The following CASP10 variants were observed in gnomAD, a reference collection of about 807,000 sequenced individuals.
The protein encoded by CASP10 is caspase-10.
In CASP10, 41 loss-of-function variants were observed where a neutral mutation model predicts 48.5. That is an observed-to-expected ratio of 0.85 (90% CI 0.66 to 1.10). CASP10 has a LOEUF of 1.10. CASP10 is among the 50% of genes least tolerant of loss of function. The pLI is 0.00. For synonymous variants in CASP10, 232 were observed against 238.4 expected (o/e 0.97, Z 0.25); for missense variants, 614 against 614.5 (o/e 1.00, Z 0.01).
At position 201,219,509 on chromosome 2, in the gene CASP10, C is replaced by G; in HGVS notation, c.*1768C>G. 1.0e-6 allele frequency: 1 copy of G among 985,364 alleles called. No individual in the cohort carries two copies. Among genetic ancestry groups the G allele is most frequent in the African/African-American group, 1.7e-5 (1 of 57,332 alleles). 61.0% of individuals were successfully genotyped at this position (985,364 alleles called of 1,614,324 possible). A position where few individuals can be genotyped will look rare whatever the true frequency, so the allele number is the denominator to read the frequency against. The stretch of plus-strand genomic sequence containing the variant: ...GTAGACTGCAGTGGACAGTCCCCAC[C>G]TTGTTACTGCTACTACACTTTGCTC... On this transcript the variant is annotated 3_prime_UTR_variant, in exon 10 of 10. Transcript: ENST00000286186.
In CASP10 at chr2:201,220,688, C is replaced by T; in HGVS notation, c.*2947C>T. On this transcript the variant is annotated 3_prime_UTR_variant, in exon 10 of 10. Transcript: ENST00000286186. ...TTGTTTTCTCTAAAATAAACCTGTC[C>T]TTGGCTGTCAAGCCACCTTTCATGT... The T allele has an allele frequency of 1.0e-6, 1 of 957,658 alleles. No homozygotes were observed. The highest frequency in any genetic ancestry group is 4.8e-5 in the South Asian group (1 of 20,742). The allele number at this position is 957,658 out of a possible 1,614,324, so 59.3% of individuals were successfully genotyped here.
chr2:201,222,305 C>G (rs1361605006), downstream of CASP10, among the ~76,000 whole-genome samples: 2 of 150,350 alleles, frequency 1.3e-5, no homozygotes. Flanking sequence ...CAACCTTCGT[C>G]TCCTGGGTTC....
At chr2:201,200,340 T>C (rs1944969429) in intron 5 of CASP10, 6 of 1,030,366 alleles carry the variant, frequency 5.8e-6, no homozygotes, top group Admixed American at 3.9e-5. Context: ...GCATTTACTA[T>C]GTTGGTTGTA....
chr2:201,184,416 G>A (rs1040254102), intron 1 of CASP10, among the ~76,000 whole-genome samples: 2 of 151,822 alleles, frequency 1.3e-5, no homozygotes, highest in Admixed American at 6.6e-5. Flanking sequence ...CTCCATCCCC[G>A]GGGCTCAAAT....
intron 3 of CASP10, among the ~76,000 whole-genome samples, chr2:201,189,060 T>C (rs1227094339): frequency 1.3e-5 from 2 of 151,302 alleles, no homozygotes; most frequent in African/African-American, 2.4e-5. Context: ...TTAGTAGAGA[T>C]AGGGTTTCAC....
At chr2:201,224,695 A>T (rs1010260434), downstream of CASP10, among the ~76,000 whole-genome samples, 1 of 152,214 alleles carries the variant, frequency 6.6e-6, no homozygotes, top group Non-Finnish European at 1.5e-5. Context: ...ATTCTGTAAA[A>T]TGCCTGGGAA....
At chr2:201,200,211 TC>T (rs944632058) in intron 5 of CASP10, among the ~76,000 whole-genome samples, 2 of 152,208 alleles carry the variant, frequency 1.3e-5, no homozygotes, top group South Asian at 4.1e-4. Context: ...TACTATTTTT[TC>T]CCCACGCAAT....
rs559658034 is a variant in CASP10, at chr2:201,185,923, A to G, written c.146A>G (p.Asn49Ser). The G allele has an allele frequency of 1.2e-5, 20 of 1,614,100 alleles. No individual in the cohort carries two copies. In the Admixed American group the frequency reaches 1.5e-4, roughly 12 times the overall value. ...LKFLCIGLVP[N>S]KKLEKSSSAS... ...TTTCTCTGCATAGGATTGGTCCCCAACAAGAAGCTGGAGAAGTCCAGCTCA... is the reference window on the plus strand; with the variant it reads ...TTTCTCTGCATAGGATTGGTCCCCAGCAAGAAGCTGGAGAAGTCCAGCTCA... The change falls in exon 2 of 10, where the codon AAC becomes AGC. Residue 49 changes from asparagine (N) to serine (S), a missense_variant. Coordinates refer to ENST00000286186, the MANE Select transcript of CASP10 (RefSeq NM_032977.4).
chr2:201,194,667 A>G (rs950944687), intron 4 of CASP10, among the ~76,000 whole-genome samples: 1 of 152,266 alleles, frequency 6.6e-6, no homozygotes, highest in African/African-American at 2.4e-5. Context: ...TAAAGTAAAC[A>G]TAGGGCAAGT....
intron 3 of CASP10, among the ~76,000 whole-genome samples, chr2:201,191,384 T>C (rs1944606587): frequency 6.6e-6 from 1 of 151,946 alleles, no homozygotes; most frequent in Non-Finnish European, 1.5e-5. Context: ...TGATCTCAGC[T>C]TTTTTTTGTT....
exon 10 of CASP10, chr2:201,229,044 A>G (rs747904869): frequency 3.1e-6 from 5 of 1,614,174 alleles, no homozygotes; most frequent in Non-Finnish European, 3.4e-6. Context: ...CTGCGCAGAC[A>G]CCTCGACCCC....
chr2:201,208,988 T>C, intron 8 of CASP10, 82 bp from the exon 9 acceptor site: 7 of 1,495,880 alleles, frequency 4.7e-6, no homozygotes, highest in Non-Finnish European at 6.4e-6. Flanking sequence ...TTGTTTCAGT[T>C]CTTCATTTTG....
Position 201,208,197 on chromosome 2 carries a change from G to A in CASP10, c.922+14G>A. Reference sequence around the variant, plus strand: ...ATAAAGATGCTGGTAAGAAAGTCTGGAACAGTTTATCAAATGCAAATTGGG... The same window carrying A: ...ATAAAGATGCTGGTAAGAAAGTCTGAAACAGTTTATCAAATGCAAATTGGG... On this transcript the variant is annotated intron_variant, in intron 8 of 9. Transcript: ENST00000286186. 1 of 1,600,798 alleles carries A rather than the reference G, an allele frequency of 6.2e-7. No individual in the cohort carries two copies. The highest frequency in any genetic ancestry group is 8.5e-7 in the Non-Finnish European group (1 of 1,175,944).
intron 9 of CASP10, among the ~76,000 whole-genome samples, chr2:201,210,516 T>C (rs1945358769): frequency 6.6e-6 from 1 of 152,228 alleles, no homozygotes; most frequent in African/African-American, 2.4e-5. Flanking sequence ...TGAGCTCATC[T>C]TCCCAGCTCT....
chr2:201,209,623 C>T, intron 9 of CASP10, 61 bp downstream of exon 9: 1 of 1,512,392 alleles, frequency 6.6e-7, no homozygotes, highest in Non-Finnish European at 8.9e-7. Flanking sequence ...TTTTATTTTA[C>T]TCTCATTCAA....
intron 3 of CASP10, among the ~76,000 whole-genome samples, chr2:201,192,209 A>C (rs1213816606): frequency 6.6e-6 from 1 of 152,140 alleles, no homozygotes; most frequent in African/African-American, 2.4e-5. Flanking sequence ...AGCCTGGCCA[A>C]CATGGTGAAA....
At position 201,187,748 on chromosome 2, in the gene CASP10, C is replaced by T. The variant is rs1559293756; in HGVS notation, c.390C>T (p.Asn130=). 1.9e-6 allele frequency: 3 copies of T among 1,613,916 alleles called. No individual in the cohort carries two copies. The highest frequency in any genetic ancestry group is 1.7e-5 in the Admixed American group (1 of 59,982). The change falls in exon 3 of 10, where the codon AAC becomes AAT. Residue 130 remains asparagine (N), a synonymous_variant. Coordinates refer to ENST00000286186, the MANE Select transcript of CASP10 (RefSeq NM_032977.4). ...YELSEGIDSE[N]LKDMIFLLKD... is the part of the protein sequence containing the mutation. ...TGTCAGAAGGCATTGACTCAGAGAA[C>T]TTAAAGGACATGATCTTCCTTCTGA...
chr2:201,203,709 C>G, intron 5 of CASP10, 21 bp from the exon 6 acceptor site: 1 of 1,609,680 alleles, frequency 6.2e-7, no homozygotes, highest in South Asian at 1.1e-5. Flanking sequence ...ATGTTTCATG[C>G]CCTCCTTTCT....
intron 3 of CASP10, among the ~76,000 whole-genome samples, chr2:201,190,078 TTAG>T (rs1364509866): frequency 2.6e-5 from 4 of 152,160 alleles, no homozygotes; most frequent in African/African-American, 9.7e-5. Flanking sequence ...TGACATGACC[TTAG>T]TAGTCTTTGA....
Sources: allele counts gnomAD v4.1 joint callset (sites outside exome capture counted in the v4.1 genomes callset), GRCh38; gene constraint gnomAD v4.1.1; transcripts MANE v1.5; gene names NCBI Gene and HGNC (gene_info 2026-07-23, HGNC 2026-07-21).